Variants in SLC25A26 observed in about 807,000 individuals in gnomAD.
SLC25A26 encodes solute carrier family 25 member 26.
Under a neutral mutation model 37.8 loss-of-function variants are expected in SLC25A26, and 36 were observed. That is an observed-to-expected ratio of 0.95 (90% CI 0.73 to 1.26). The LOEUF is 1.26. SLC25A26 is among the 50% of genes most tolerant of loss of function. The pLI is 0.00. For synonymous variants in SLC25A26, 129 were observed against 122.5 expected, an observed-to-expected ratio of 1.05 and a Z score of -0.35; for missense variants, 390 against 331.1, an observed-to-expected ratio of 1.18 and a Z score of -1.38.
chr3:66,253,025 C>CG (rs2073146995), intron 3 of SLC25A26, among the ~76,000 whole-genome samples: 1 of 65,666 alleles, frequency 1.5e-5, no homozygotes, highest in Non-Finnish European at 3.2e-5. Context: ...AAAATAATGC[C>CG]CCCCCCCCCC....
chr3:66,319,744 C>CTTTTTT (rs71105981), intron 5 of SLC25A26, among the ~76,000 whole-genome samples: 6 of 92,088 alleles, frequency 6.5e-5, no homozygotes, highest in East Asian at 3.5e-4. Flanking sequence ...GCAATTAAAT[C>CTTTTTT]TTTTTTTTTT....
chr3:66,212,774 T>A (rs1241095503), intron 1 of SLC25A26, among the ~76,000 whole-genome samples: 1 of 152,330 alleles, frequency 6.6e-6, no homozygotes, highest in South Asian at 2.1e-4. Flanking sequence ...TTGCTTAGCA[T>A]AATGTCTTCA....
chr3:66,311,782 T>G (rs1084537), intron 5 of SLC25A26, among the ~76,000 whole-genome samples: 2 of 151,962 alleles, frequency 1.3e-5, no homozygotes, highest in African/African-American at 4.8e-5. Flanking sequence ...TGCTGGACGT[T>G]CATTTCAGAC....
chr3:66,244,967 ACT>A (rs987475417), intron 3 of SLC25A26, among the ~76,000 whole-genome samples: 1 of 152,110 alleles, frequency 6.6e-6, no homozygotes, highest in African/African-American at 2.4e-5. Flanking sequence ...ACAGAGCGAG[ACT>A]CTGTCTCAAA....
upstream of SLC25A26, among the ~76,000 whole-genome samples, chr3:66,219,924 C>G (rs2071424076): frequency 6.6e-6 from 1 of 152,160 alleles, no homozygotes; most frequent in African/African-American, 2.4e-5. Flanking sequence ...TATCCCCAAA[C>G]CCAGCAGGTG....
intron 6 of SLC25A26, among the ~76,000 whole-genome samples, chr3:66,357,239 A>G (rs916214419): frequency 6.6e-6 from 1 of 152,126 alleles, no homozygotes; most frequent in Admixed American, 6.5e-5. Flanking sequence ...ACATAGCAAG[A>G]TGCTGCCTCA....
At chr3:66,165,858 C>T (rs1020601453) in intron 1 of SLC25A26, among the ~76,000 whole-genome samples, 2 of 152,020 alleles carry the variant, frequency 1.3e-5, no homozygotes, top group African/African-American at 2.4e-5. Flanking sequence ...CATTAGGAAA[C>T]ACAACATGCA....
intron 1 of SLC25A26, among the ~76,000 whole-genome samples, chr3:66,180,988 G>A (rs1195708027): frequency 6.6e-6 from 1 of 152,164 alleles, no homozygotes. Context: ...GGCCATGGGA[G>A]GACACAAGGA....
At chr3:66,273,591 C>T (rs2074030565) in intron 5 of SLC25A26, among the ~76,000 whole-genome samples, 1 of 152,148 alleles carries the variant, frequency 6.6e-6, no homozygotes, top group Admixed American at 6.6e-5. Context: ...AAATCACAAG[C>T]ATTCTTATAC....
At chr3:66,176,357 C>T (rs771822731) in intron 1 of SLC25A26, among the ~76,000 whole-genome samples, 4 of 152,192 alleles carry the variant, frequency 2.6e-5, no homozygotes, top group Non-Finnish European at 4.4e-5. Context: ...GATGAACGCT[C>T]TTGTAGCCAG....
chr3:66,330,604 T>C lies in SLC25A26; in HGVS notation c.454-15760T>C, dbSNP rs1348488676. ...GATATTAGCTAACAATGATAATATCTATATAAGTGATCCTTAAGTAAATAG... is the reference window on the plus strand; with the variant it reads ...GATATTAGCTAACAATGATAATATCCATATAAGTGATCCTTAAGTAAATAG... On this transcript the variant is annotated intron_variant, in intron 5 of 9. Transcript: ENST00000354883. Among the ~76,000 whole-genome samples, 7 of 151,070 alleles carry C rather than the reference T, an allele frequency of 4.6e-5. No homozygotes were observed. The South Asian group carries it at 1.0e-3, about 23-fold the overall frequency.
At chr3:66,335,411 G>C (rs560086528) in intron 5 of SLC25A26, among the ~76,000 whole-genome samples, 1 of 152,126 alleles carries the variant, frequency 6.6e-6, no homozygotes, top group Non-Finnish European at 1.5e-5. Flanking sequence ...ATTTATTTTT[G>C]TGTTTTATCC....
At chr3:66,225,052 C>T (rs1553659943) in intron 1 of SLC25A26, among the ~76,000 whole-genome samples, 1 of 152,136 alleles carries the variant, frequency 6.6e-6, no homozygotes, top group Non-Finnish European at 1.5e-5. Flanking sequence ...TGTAGCTTTT[C>T]CAGGCACAGG....
chr3:66,355,938 G>A, intron 6 of SLC25A26: 2 of 444,600 alleles, frequency 4.5e-6, no homozygotes, highest in Non-Finnish European at 9.0e-6. Flanking sequence ...GTCATGTGAT[G>A]TTACTAATTT....
intron 1 of SLC25A26, among the ~76,000 whole-genome samples, chr3:66,210,561 C>G: frequency 1.3e-5 from 2 of 152,046 alleles, no homozygotes; most frequent in African/African-American, 4.8e-5. Context: ...TGTCACTAGG[C>G]TGGAGTGCAG....
intron 5 of SLC25A26, among the ~76,000 whole-genome samples, chr3:66,314,268 C>T (rs1192440122): frequency 6.6e-6 from 1 of 152,006 alleles, no homozygotes; most frequent in African/African-American, 2.4e-5. Flanking sequence ...TCCTGTATAG[C>T]TCTTATTATT....
chr3:66,374,979 G>C (rs760470651), intron 9 of SLC25A26, among the ~76,000 whole-genome samples: 4 of 152,228 alleles, frequency 2.6e-5, no homozygotes, highest in Non-Finnish European at 5.9e-5. Flanking sequence ...TAGGCCTCTT[G>C]TGACAGTTAA....
rs553402800 is a variant in SLC25A26 at position 66,317,768 on chromosome 3, G to C, written c.454-28596G>C. ...GCCGCCCCTCCTCCTAGGGGCTCCT[G>C]TCAGGGATATCAGAGTTCTGTCCAT... On this transcript the variant is annotated intron_variant, in intron 5 of 9. Transcript: ENST00000354883. Among the ~76,000 whole-genome samples the C allele has an allele frequency of 4.6e-5, 7 of 152,306 alleles. No individual in the cohort carries two copies. The South Asian group carries it at 1.2e-3, about 27-fold the overall frequency.
At chr3:66,236,505 C>CTT in intron 1 of SLC25A26, 39 bp from the exon 2 acceptor site, 15 of 1,267,156 alleles carry the variant, frequency 1.2e-5, no homozygotes, top group South Asian at 5.1e-5. Flanking sequence ...TTGTTGTAAC[C>CTT]TTTTTTTTTT....
Sources: gnomAD v4.1 joint callset for allele counts (sites outside exome capture counted in the v4.1 genomes callset) on GRCh38, gnomAD v4.1.1 for gene constraint, MANE v1.5 for transcripts, NCBI Gene and HGNC (gene_info 2026-07-23, HGNC 2026-07-21) for gene names.